Variants in GUCY1B1 observed in about 807,000 individuals in gnomAD.
The protein encoded by GUCY1B1 is guanylate cyclase 1 soluble subunit beta 1.
In GUCY1B1, 43 loss-of-function variants were observed where a neutral mutation model predicts 71.0. The observed-to-expected ratio is 0.61, with a 90% CI of 0.47 to 0.78. The LOEUF is 0.78. GUCY1B1 is among the 30% of genes least tolerant of loss of function. The pLI, the probability that GUCY1B1 is intolerant of heterozygous loss-of-function variation, is 0.00. For missense variants in GUCY1B1, 535 were observed against 754.1 expected (o/e 0.71, Z 3.40); for synonymous variants, 266 against 259.7 (o/e 1.02, Z -0.23).
chr4:155,805,804 A>G (rs1423575070), intron 13 of GUCY1B1, among the ~76,000 whole-genome samples: 1 of 152,120 alleles, frequency 6.6e-6, no homozygotes, highest in Admixed American at 6.6e-5. Context: ...TTCTACTACT[A>G]TGGTTATACT....
intron 7 of GUCY1B1, 71 bp downstream of exon 7, chr4:155,795,528 T>C (rs993730270): frequency 7.9e-5 from 57 of 726,064 alleles, no homozygotes; most frequent in Middle Eastern, 2.6e-4. Flanking sequence ...GGGGGGAAAA[T>C]TATCACATTC....
At chr4:155,781,181 AAC>A (rs1205654495) in intron 4 of GUCY1B1, among the ~76,000 whole-genome samples, 3 of 152,222 alleles carry the variant, frequency 2.0e-5, no homozygotes, top group East Asian at 1.9e-4. Flanking sequence ...CAATTAATGA[AAC>A]AGTCTTTAAA....
intron 2 of GUCY1B1, among the ~76,000 whole-genome samples, chr4:155,769,743 T>C (rs1004001316): frequency 1.1e-4 from 16 of 152,162 alleles, no homozygotes; most frequent in African/African-American, 3.6e-4. Context: ...AATGACAGTA[T>C]GTCCAAAATT....
At chr4:155,784,072 A>G (rs1870535) in intron 4 of GUCY1B1, among the ~76,000 whole-genome samples, 4,495 of 152,244 alleles carry the variant, frequency 0.03, 239 homozygotes, top group African/African-American at 0.1. Context: ...TTTAAAAGCA[A>G]TAGAATAAGA....
At chr4:155,795,251 A>T (rs189289818) in intron 6 of GUCY1B1, 90 bp from the exon 7 acceptor site, 2 of 616,286 alleles carry the variant, frequency 3.2e-6, no homozygotes, top group African/African-American at 3.7e-5. Context: ...TTTTAAATAT[A>T]ACTGAGCTGA....
At chr4:155,762,114 A>G in intron 2 of GUCY1B1, among the ~76,000 whole-genome samples, 1 of 152,122 alleles carries the variant, frequency 6.6e-6, no homozygotes, top group Non-Finnish European at 1.5e-5. Flanking sequence ...TAATTACTAA[A>G]TGCTCCCTGG....
At chr4:155,780,659 AAC>A (rs1738355912) in intron 4 of GUCY1B1, among the ~76,000 whole-genome samples, 1 of 152,218 alleles carries the variant, frequency 6.6e-6, no homozygotes, top group African/African-American at 2.4e-5. Context: ...AAAAGCAGAA[AAC>A]ACACAATAGG....
chr4:155,789,824 C>G lies in GUCY1B1; in HGVS notation c.408C>G (p.Tyr136Ter). The G allele has an allele frequency of 6.2e-7, 1 of 1,610,802 alleles. No homozygotes were observed. Among genetic ancestry groups the G allele is most frequent in the Non-Finnish European group, 8.5e-7 (1 of 1,177,012 alleles). ...GCAAAGGACTCATTTTGCACTACTA[C>G]TCAGAGAGAGAAGGACTTCAGGATA... The part of the protein sequence containing the change: ...EKGKGLILHY[Y>*]SEREGLQDIV... The change falls in exon 5 of 14, where the codon TAC (tyrosine) becomes TAG (stop). Residue 136 changes from tyrosine to a stop codon, truncating the protein, a stop_gained. Transcript: ENST00000264424. LOFTEE classifies it high-confidence loss of function.
intron 2 of GUCY1B1, among the ~76,000 whole-genome samples, chr4:155,768,401 CT>C (rs1737480576): frequency 1.4e-5 from 2 of 146,856 alleles, no homozygotes; most frequent in South Asian, 4.3e-4. Flanking sequence ...AAAAAATATT[CT>C]TTAGTTTGAA....
At chr4:155,774,313 C>T (rs1285568301) in intron 2 of GUCY1B1, among the ~76,000 whole-genome samples, 1 of 152,138 alleles carries the variant, frequency 6.6e-6, no homozygotes, top group Non-Finnish European at 1.5e-5. Context: ...TCCTGCCTTG[C>T]CCTTTGCACT....
chr4:155,777,466 T>A (rs948577833), intron 3 of GUCY1B1, 58 bp from the exon 4 acceptor site: 30 of 886,918 alleles, frequency 3.4e-5, no homozygotes, highest in South Asian at 3.1e-4. Flanking sequence ...TCATTTTTTC[T>A]ATTAACAATA....
rs17033562 is a variant in GUCY1B1 at position 155,799,955 on chromosome 4, T to C, written c.1056T>C (p.Leu352=). 8.7e-3 allele frequency: 13,976 copies of C among 1,613,480 alleles called. 99 individuals carry two copies. Among genetic ancestry groups the C allele is most frequent in the Middle Eastern group, 0.022 (136 of 6,062 alleles). ...CTCTGCATGATGCCACGCGCGATCT[T>C]GTTCTTTTGGGAGAACAATTTAGAG... ...DIPLHDATRD[L]VLLGEQFREE... is the part of the protein sequence containing the mutation. The change falls in exon 9 of 14, where the codon CTT becomes CTC. Residue 352 remains leucine (L), a synonymous_variant. Transcript: ENST00000264424.
At chr4:155,783,296 C>T (rs947241965) in intron 4 of GUCY1B1, among the ~76,000 whole-genome samples, 1 of 152,182 alleles carries the variant, frequency 6.6e-6, no homozygotes, top group African/African-American at 2.4e-5. Context: ...ATTATTATTA[C>T]ATTATATTGT....
intron 4 of GUCY1B1, among the ~76,000 whole-genome samples, chr4:155,784,355 A>G (rs939734971): frequency 2.6e-5 from 4 of 152,204 alleles, no homozygotes; most frequent in South Asian, 2.1e-4. Flanking sequence ...ATCTCATGCT[A>G]TTTACTTTGG....
In GUCY1B1 at chr4:155,793,906, A is replaced by G; in HGVS notation, c.546A>G (p.Glu182=). 1 of 1,587,396 alleles carries G rather than the reference A, an allele frequency of 6.3e-7. No individual in the cohort carries two copies. The highest frequency in any genetic ancestry group is 8.7e-7 in the Non-Finnish European group (1 of 1,155,610). The change falls in exon 6 of 14, where the codon GAA becomes GAG. Residue 182 remains glutamate, a synonymous_variant. Transcript: ENST00000264424. ...GTGATCATACTCAATTTTTAATTGA[A>G]GAAAAAGAGTCAAAAGAAGAGGATT... The part of the protein sequence containing the change: ...EECDHTQFLI[E]EKESKEEDFY...
At chr4:155,788,245 A>G (rs548884479) in intron 4 of GUCY1B1, among the ~76,000 whole-genome samples, 135 of 152,334 alleles carry the variant, frequency 8.9e-4, no homozygotes, top group African/African-American at 3.1e-3. Context: ...AAGTATTGAC[A>G]GAATTCAGTT....
chr4:155,773,383 CTAAA>C (rs893315013), intron 2 of GUCY1B1, among the ~76,000 whole-genome samples: 2 of 152,166 alleles, frequency 1.3e-5, no homozygotes, highest in African/African-American at 4.8e-5. Context: ...CAAATCCTAT[CTAAA>C]TAAATACATT....
intron 12 of GUCY1B1, 36 bp downstream of exon 12, chr4:155,804,783 A>G (rs769044953): frequency 6.4e-7 from 1 of 1,563,394 alleles, no homozygotes; most frequent in South Asian, 1.1e-5. Context: ...CTGATTTGCA[A>G]AGAAAATGTG....
At chr4:155,804,855 C>T in intron 12 of GUCY1B1, 108 bp downstream of exon 12, 2 of 912,304 alleles carry the variant, frequency 2.2e-6, no homozygotes, top group Non-Finnish European at 3.4e-6. Flanking sequence ...ATCACCTTCA[C>T]TCTTCCCCAC....
Sources: allele counts gnomAD v4.1 joint callset (sites outside exome capture counted in the v4.1 genomes callset), GRCh38; gene constraint gnomAD v4.1.1; transcripts MANE v1.5; gene names NCBI Gene and HGNC (gene_info 2026-07-23, HGNC 2026-07-21).